DEPDC1B: variants seen among roughly 807,000 people sequenced by gnomAD.
DEPDC1B encodes DEP domain-containing protein 1B.
A neutral mutation model predicts 66.5 loss-of-function variants in DEPDC1B; 51 were observed. The ratio of observed to expected loss-of-function variants is 0.77; its 90% CI spans 0.61 to 0.97. The LOEUF (loss-of-function observed/expected upper bound fraction) is 0.97. Ranked by LOEUF, DEPDC1B falls within the 50% of genes least tolerant of loss-of-function variation. The pLI is 0.00. For synonymous variants in DEPDC1B, 226 were observed against 223.6 expected (o/e 1.01, Z -0.10); for missense variants, 552 against 637.1 (o/e 0.87, Z 1.44).
intron 7 of DEPDC1B, among the ~76,000 whole-genome samples, chr5:60,615,140 G>A (rs1378149398): frequency 7.2e-5 from 11 of 152,238 alleles, no homozygotes; most frequent in African/African-American, 2.4e-4. Context: ...GGCATCCCAA[G>A]TTTAAAATCT....
chr5:60,612,887 G>T (rs925470783), intron 7 of DEPDC1B, among the ~76,000 whole-genome samples: 3 of 152,086 alleles, frequency 2.0e-5, no homozygotes, highest in African/African-American at 4.8e-5. Context: ...ATATTGTTCT[G>T]GTTTCCATCA....
chr5:60,678,261 G>A (rs771106030), intron 2 of DEPDC1B, among the ~76,000 whole-genome samples: 10 of 151,812 alleles, frequency 6.6e-5, no homozygotes, highest in East Asian at 1.9e-4. Context: ...CTTTACAGTC[G>A]CACCCTTCTG....
intron 6 of DEPDC1B, 64 bp downstream of exon 6, chr5:60,642,748 T>C (rs1753219575): frequency 1.5e-6 from 2 of 1,329,520 alleles, no homozygotes; most frequent in African/African-American, 2.9e-5. Flanking sequence ...GAGCAGAAAT[T>C]TTTCCTAATT....
intron 1 of DEPDC1B, among the ~76,000 whole-genome samples, chr5:60,691,043 T>A (rs1430225210): frequency 6.9e-6 from 1 of 145,424 alleles, no homozygotes; most frequent in Non-Finnish European, 1.5e-5. Flanking sequence ...AATCGATCTT[T>A]CACTTTTTCT....
At chr5:60,615,503 C>T (rs944474405) in intron 7 of DEPDC1B, among the ~76,000 whole-genome samples, 6 of 152,200 alleles carry the variant, frequency 3.9e-5, no homozygotes, top group Non-Finnish European at 7.3e-5. Flanking sequence ...GATTATATCC[C>T]GTGCCTGGCT....
intron 1 of DEPDC1B, among the ~76,000 whole-genome samples, chr5:60,688,100 T>C (rs1336205224): frequency 1.3e-5 from 2 of 152,086 alleles, no homozygotes; most frequent in South Asian, 4.2e-4. Flanking sequence ...TGAAAGGCAT[T>C]GTAGGAGGAG....
chr5:60,639,811 A>G (rs1027168606), intron 6 of DEPDC1B, among the ~76,000 whole-genome samples: 1 of 152,182 alleles, frequency 6.6e-6, no homozygotes, highest in Admixed American at 6.5e-5. Flanking sequence ...AGCCTTCTCT[A>G]TTTCCATTAC....
chr5:60,625,372 C>T (rs533460947), intron 7 of DEPDC1B, among the ~76,000 whole-genome samples: 113 of 152,206 alleles, frequency 7.4e-4, no homozygotes, highest in African/African-American at 2.5e-3. Flanking sequence ...AGTGTAAAAG[C>T]GTTCCTATTT....
intron 2 of DEPDC1B, among the ~76,000 whole-genome samples, chr5:60,650,788 T>A (rs1262949468): frequency 2.6e-5 from 4 of 152,200 alleles, no homozygotes; most frequent in African/African-American, 9.6e-5. Flanking sequence ...CCTAACCATA[T>A]GCTCTTTTGC....
At chr5:60,632,514 C>T (rs1752948995) in intron 7 of DEPDC1B, among the ~76,000 whole-genome samples, 1 of 152,226 alleles carries the variant, frequency 6.6e-6, no homozygotes, top group South Asian at 2.1e-4. Flanking sequence ...GGAACTTTGC[C>T]CAGAATATCC....
intron 7 of DEPDC1B, among the ~76,000 whole-genome samples, chr5:60,629,934 T>C (rs1752886869): frequency 1.3e-5 from 2 of 152,238 alleles, no homozygotes; most frequent in Admixed American, 1.3e-4. Context: ...ACAGAAAAAT[T>C]ATTTCCAACT....
intron 2 of DEPDC1B, among the ~76,000 whole-genome samples, chr5:60,663,359 A>G (rs372557721): frequency 1.3e-5 from 2 of 152,308 alleles, no homozygotes; most frequent in East Asian, 1.9e-4. Flanking sequence ...AGCTCCTGCA[A>G]TACTCCAATT....
At chr5:60,617,464 C>A (rs1365188365) in intron 7 of DEPDC1B, among the ~76,000 whole-genome samples, 1 of 151,990 alleles carries the variant, frequency 6.6e-6, no homozygotes, top group Non-Finnish European at 1.5e-5. Flanking sequence ...AAATGGAAAA[C>A]AAAATAAGGC....
intron 2 of DEPDC1B, among the ~76,000 whole-genome samples, chr5:60,675,951 G>C (rs1754148687): frequency 6.7e-6 from 1 of 149,866 alleles, no homozygotes; most frequent in African/African-American, 2.5e-5. Context: ...TTTTGAGAGG[G>C]AGTCTTGCTC....
intron 2 of DEPDC1B, among the ~76,000 whole-genome samples, chr5:60,671,035 G>T (rs1258095297): frequency 6.6e-6 from 1 of 152,134 alleles, no homozygotes; most frequent in African/African-American, 2.4e-5. Flanking sequence ...CTGTAACTGT[G>T]AATGGGTTTG....
At chr5:60,638,914 G>A (rs1323250223) in intron 6 of DEPDC1B, 24 bp from the exon 7 acceptor site, 2 of 1,605,994 alleles carry the variant, frequency 1.2e-6, no homozygotes, top group Non-Finnish European at 1.7e-6. Context: ...GAGAGTGAAA[G>A]AGAAACATTA....
chr5:60,622,741 A>G (rs1752731431), intron 7 of DEPDC1B, among the ~76,000 whole-genome samples: 1 of 152,206 alleles, frequency 6.6e-6, no homozygotes, highest in Admixed American at 6.5e-5. Context: ...TGTACATGGT[A>G]GTATCTCATT....
At chr5:60,625,818 G>A (rs543390314) in intron 7 of DEPDC1B, among the ~76,000 whole-genome samples, 1 of 152,068 alleles carries the variant, frequency 6.6e-6, no homozygotes, top group Non-Finnish European at 1.5e-5. Flanking sequence ...GGTTTGTTTT[G>A]TTCTTTTTTC....
At chr5:60,622,062 CT>C (rs1415104880) in intron 7 of DEPDC1B, among the ~76,000 whole-genome samples, 1 of 151,916 alleles carries the variant, frequency 6.6e-6, no homozygotes, top group Non-Finnish European at 1.5e-5. Flanking sequence ...ACATGTGTTA[CT>C]TTTTTGTTCA....
Sources: gnomAD v4.1 joint callset for allele counts (sites outside exome capture counted in the v4.1 genomes callset) on GRCh38, gnomAD v4.1.1 for gene constraint, MANE v1.5 for transcripts, NCBI Gene and HGNC (gene_info 2026-07-23, HGNC 2026-07-21) for gene names.